The following MAPKBP1 variants were observed in gnomAD, a reference collection of about 807,000 sequenced individuals.
MAPKBP1 encodes the protein mitogen-activated protein kinase binding protein 1.
Under a neutral mutation model 170.5 loss-of-function variants are expected in MAPKBP1, and 71 were observed. The observed-to-expected ratio is 0.42, with a 90% confidence interval of 0.34 to 0.51. MAPKBP1 has a LOEUF of 0.51. Among genes scored for constraint, MAPKBP1 ranks in the 20% least tolerant of loss-of-function variants. The pLI, the probability that MAPKBP1 is intolerant of heterozygous loss-of-function variation, is 0.06. For missense variants in MAPKBP1, 1,598 were observed against 1,933.0 expected (o/e 0.83, Z 3.25); for synonymous variants, 719 against 757.9 (o/e 0.95, Z 0.84).
Position 41,823,392 on chromosome 15 carries a change from A to C in MAPKBP1, c.3599-55A>C. On this transcript the variant is annotated intron_variant, in intron 28 of 30. Coordinates refer to ENST00000457542, the MANE Select transcript of MAPKBP1 (RefSeq NM_014994.3). ...CAGCTCTTCGGGATTGGGTGTTGGCACCTGGGATGCCTTCCTCAACACCTG... is the reference window on the plus strand; with the variant it reads ...CAGCTCTTCGGGATTGGGTGTTGGCCCCTGGGATGCCTTCCTCAACACCTG... The C allele has an allele frequency of 2.6e-6, 4 of 1,565,400 alleles. No individual in the cohort carries two copies. In the South Asian group the frequency reaches 4.7e-5, roughly 18 times the overall value.
In MAPKBP1 at chr15:41,799,884, C is replaced by T. The variant is rs1396511550; in HGVS notation, c.176C>T (p.Pro59Leu). Residue 59 changes from proline (P) to leucine (L), a missense_variant, in exon 3 of 31, where the codon CCC (proline) becomes CTC (leucine). This residue lies in a region of MAPKBP1 where 151 missense variants were observed against 191.4 expected (regional missense o/e 0.79). Coordinates refer to ENST00000457542, the MANE Select transcript of MAPKBP1 (RefSeq NM_014994.3). ...VSGGRGLACD[P>L]RSGLVAYPAG... ...GGAGGCAGAGGACTTGCCTGTGACC[C>T]CCGATCAGGTTTAGTTGCTTACCCA... is the stretch of plus-strand genomic sequence containing the variant. 6.2e-7 allele frequency: 1 copy of T among 1,614,066 alleles called. No individual in the cohort carries two copies. The highest frequency in any genetic ancestry group is 1.7e-5 in the Admixed American group (1 of 60,014).
chr15:41,800,524 G>A (rs993191087), intron 3 of MAPKBP1, among the ~76,000 whole-genome samples: 9 of 152,012 alleles, frequency 5.9e-5, no homozygotes, highest in Admixed American at 5.9e-4. Flanking sequence ...TTGTAGAGAT[G>A]GGGTTTCACC....
rs181152948 is a variant in MAPKBP1, at chr15:41,782,305, G to A, written c.114+6916G>A. Among the ~76,000 whole-genome samples, 3 of 150,816 alleles carry A rather than the reference G, an allele frequency of 2.0e-5. No homozygotes were observed. The East Asian group carries it at 5.8e-4, about 29-fold the overall frequency. On this transcript the variant is annotated intron_variant, in intron 2 of 30. Transcript: ENST00000457542. ...ATGAAATACAACAGACATTAAGAGA[G>A]TGTACAAATATAATATTGTATTATA...
At chr15:41,797,019 A>G (rs973058728) in intron 2 of MAPKBP1, among the ~76,000 whole-genome samples, 2 of 152,234 alleles carry the variant, frequency 1.3e-5, no homozygotes, top group African/African-American at 2.4e-5. Flanking sequence ...ACGTCTCTAT[A>G]TACTGGCTCA....
In MAPKBP1 at chr15:41,811,233, G is replaced by T; in HGVS notation, c.325G>T (p.Glu109Ter). The T allele has an allele frequency of 6.2e-7, 1 of 1,614,260 alleles. No individual in the cohort carries two copies. Among genetic ancestry groups the T allele is most frequent in the Non-Finnish European group, 8.5e-7 (1 of 1,180,044 alleles). ...SPDGKYLVTG[E>*]SGHMPAVRVW... ...TGATGGCAAGTACTTGGTCACTGGA[G>T]AGGTGAGTGAGGAAGAGGGCTGGCA... Residue 109 changes from glutamate to a stop codon, truncating the protein, a stop_gained and splice_region_variant, in exon 5 of 31, where the codon GAG becomes TAG. Transcript: ENST00000457542. LOFTEE classifies it high-confidence loss of function.
At chr15:41,801,358 C>T (rs1032838193) in intron 3 of MAPKBP1, among the ~76,000 whole-genome samples, 6 of 152,188 alleles carry the variant, frequency 3.9e-5, no homozygotes, top group African/African-American at 1.2e-4. Context: ...TGGAACCCCT[C>T]CTGCTTCTGG....
rs766637856 is a variant in MAPKBP1, at chr15:41,819,347, C to T, written c.2393C>T (p.Pro798Leu). ...EGTEEELPAL[P>L]VLAKSTKKAL... ...ACTGAAGAAGAACTTCCAGCACTGC[C>T]CGTCCTTGCCAAGAGTACCAAGAAG... Residue 798 changes from proline to leucine, a missense_variant, in exon 21 of 31, where the codon CCC becomes CTC. This residue lies in a region of MAPKBP1 where 942 missense variants were observed against 953.2 expected (regional missense o/e 0.99). Transcript: ENST00000457542. 1 of 1,614,200 alleles carries T rather than the reference C, an allele frequency of 6.2e-7. No homozygotes were observed. The highest frequency in any genetic ancestry group is 1.1e-5 in the South Asian group (1 of 91,082).
At chr15:41,824,753 C>T (rs1040014960) in intron 30 of MAPKBP1, among the ~76,000 whole-genome samples, 184 bp downstream of exon 30, 21 of 152,170 alleles carry the variant, frequency 1.4e-4, no homozygotes, top group African/African-American at 3.6e-4. Flanking sequence ...CGGGCACCTG[C>T]GGTCATTTCT....
chr15:41,789,498 C>A (rs1257427052), intron 2 of MAPKBP1, among the ~76,000 whole-genome samples: 1 of 152,150 alleles, frequency 6.6e-6, no homozygotes, highest in Non-Finnish European at 1.5e-5. Flanking sequence ...CCTTCATTCC[C>A]TCTCCCTCTA....
chr15:41,789,527 C>T (rs2064358919), intron 2 of MAPKBP1, among the ~76,000 whole-genome samples: 1 of 152,132 alleles, frequency 6.6e-6, no homozygotes, highest in South Asian at 2.1e-4. Flanking sequence ...CCTTCCTTAC[C>T]TCTTCCTCCA....
rs1555454076 is a variant in MAPKBP1, at chr15:41,819,554, G to GGC, written c.2426-40_2426-39insCG. 6 of 1,495,348 alleles carry GGC rather than the reference G, an allele frequency of 4.0e-6. No homozygotes were observed. The African/African-American group carries it at 7.1e-5, about 18-fold the overall frequency. 92.6% of individuals were successfully genotyped at this position (1,495,348 alleles called of 1,614,324 possible). ...GGCTCCAGGGTTGGGTGGCGGGGGG[G>GGC]GGGCAGGAGACACTTCCTCTGACTG... is the stretch of plus-strand genomic sequence containing the variant. On this transcript the variant is annotated intron_variant, in intron 21 of 30. Transcript: ENST00000457542.
At chr15:41,788,533 CAGAA>C (rs2064340307) in intron 2 of MAPKBP1, among the ~76,000 whole-genome samples, 2 of 152,056 alleles carry the variant, frequency 1.3e-5, no homozygotes, top group Non-Finnish European at 2.9e-5. Context: ...CAGGCGATCA[CAGAA>C]AGAATCAGAG....
At chr15:41,791,651 C>T (rs2064397562) in intron 2 of MAPKBP1, among the ~76,000 whole-genome samples, 1 of 152,192 alleles carries the variant, frequency 6.6e-6, no homozygotes, top group Non-Finnish European at 1.5e-5. Flanking sequence ...TTATGCTGTG[C>T]CACCTCTGTT....
chr15:41,808,484 T>G (rs962446150), intron 3 of MAPKBP1, among the ~76,000 whole-genome samples: 1 of 151,344 alleles, frequency 6.6e-6, no homozygotes, highest in African/African-American at 2.4e-5. Context: ...TCGTACTTTT[T>G]TTTTTTTTGA....
chr15:41,806,299 T>C (rs543618902), intron 3 of MAPKBP1, among the ~76,000 whole-genome samples: 1 of 152,262 alleles, frequency 6.6e-6, no homozygotes, highest in East Asian at 1.9e-4. Context: ...AGGGCGACAT[T>C]TGAGCGAGGC....
chr15:41,779,200 G>C (rs1472983021), intron 2 of MAPKBP1, among the ~76,000 whole-genome samples: 1 of 152,052 alleles, frequency 6.6e-6, no homozygotes, highest in Non-Finnish European at 1.5e-5. Flanking sequence ...TATATGATTT[G>C]GTATTGGGGA....
At position 41,821,632 on chromosome 15, in the gene MAPKBP1, C is replaced by G; in HGVS notation, c.2767C>G (p.His923Asp). The change falls in exon 24 of 31, where the codon CAT (histidine) becomes GAT (aspartate). Residue 923 changes from histidine to aspartate, a missense_variant. By Grantham distance (81) the His-to-Asp change is moderately conservative. Coordinates refer to ENST00000457542, the MANE Select transcript of MAPKBP1 (RefSeq NM_014994.3). The part of the protein sequence containing the change: ...PQASQPCSYP[H>D]IIRLLSQEEG... Reference sequence around the variant, plus strand: ...GGCTTCCCAACCTTGTTCCTATCCCCATATTATCCGATTATTGTCACAAGA... The same window carrying G: ...GGCTTCCCAACCTTGTTCCTATCCCGATATTATCCGATTATTGTCACAAGA... 1 of 1,614,094 alleles carries G rather than the reference C, an allele frequency of 6.2e-7. No homozygotes were observed. The highest frequency in any genetic ancestry group is 8.5e-7 in the Non-Finnish European group (1 of 1,180,008).
rs1410347435 is a variant in MAPKBP1 at position 41,810,937 on chromosome 15, C to A, written c.261C>A (p.Asn87Lys). The change falls in exon 4 of 31, where the codon AAC (asparagine) becomes AAA (lysine). Residue 87 changes from asparagine (N) to lysine (K), a missense_variant. By Grantham distance (94) the Asn-to-Lys change is moderately conservative. Coordinates refer to ENST00000457542, the MANE Select transcript of MAPKBP1 (RefSeq NM_014994.3). ...AACACAAACAGCACCACATCCTCAA[C>A]AGTTCCAGGTAAATGGGCTGGGGTC... ...PRKHKQHHIL[N>K]SSRKTITALA... 1 of 1,614,086 alleles carries A rather than the reference C, an allele frequency of 6.2e-7. No homozygotes were observed.
At chr15:41,779,155 C>G (rs940502454) in intron 2 of MAPKBP1, among the ~76,000 whole-genome samples, 2 of 152,146 alleles carry the variant, frequency 1.3e-5, no homozygotes, top group Non-Finnish European at 2.9e-5. Flanking sequence ...AGTGGCAATA[C>G]TCTAATTTCA....
Sources: allele counts gnomAD v4.1 joint callset (sites outside exome capture counted in the v4.1 genomes callset), GRCh38; gene constraint gnomAD v4.1.1; regional missense constraint gnomAD v4.1.1; transcripts MANE v1.5; gene names NCBI Gene and HGNC (gene_info 2026-07-23, HGNC 2026-07-21).